PTPN2: variants seen among roughly 807,000 people sequenced by gnomAD.
The protein encoded by PTPN2 is tyrosine-protein phosphatase non-receptor type 2.
In PTPN2, 19 loss-of-function variants were observed where a neutral mutation model predicts 57.3. The observed-to-expected ratio is 0.33, with a 90% CI of 0.23 to 0.49. The LOEUF (loss-of-function observed/expected upper bound fraction) is 0.49, where lower values mean the gene tolerates loss of function less well. Among genes scored for constraint, PTPN2 ranks in the 20% least tolerant of loss-of-function variants. The pLI is 0.99. For missense variants in PTPN2, 358 were observed against 501.1 expected (o/e 0.71, Z 2.73); for synonymous variants, 153 against 164.9 (o/e 0.93, Z 0.55).
intron 5 of PTPN2, among the ~76,000 whole-genome samples, chr18:12,822,464 A>G (rs2042303794): frequency 6.6e-6 from 1 of 152,186 alleles, no homozygotes; most frequent in African/African-American, 2.4e-5. Context: ...CACAGGCCAC[A>G]CTGAAAGCCG....
chr18:12,821,956 C>CA (rs1438882950), intron 5 of PTPN2, among the ~76,000 whole-genome samples: 2 of 152,094 alleles, frequency 1.3e-5, no homozygotes, highest in African/African-American at 2.4e-5. Flanking sequence ...ACCAAGGCAG[C>CA]AGATAACTTC....
intron 5 of PTPN2, among the ~76,000 whole-genome samples, chr18:12,821,786 T>C (rs1429373265): frequency 8.5e-5 from 13 of 152,176 alleles, no homozygotes; most frequent in Non-Finnish European, 1.9e-4. Flanking sequence ...CAGGCTGAGC[T>C]GGGTCATGGT....
intron 8 of PTPN2, among the ~76,000 whole-genome samples, chr18:12,800,589 A>G (rs2145243757): frequency 6.6e-6 from 1 of 152,244 alleles, no homozygotes; most frequent in Non-Finnish European, 1.5e-5. Context: ...TAATACATGT[A>G]TTATATATTG....
chr18:12,825,782 C>G (rs746296910), intron 5 of PTPN2, 28 bp downstream of exon 5: 4 of 1,585,150 alleles, frequency 2.5e-6, no homozygotes, highest in Non-Finnish European at 3.4e-6. Flanking sequence ...CATATAAAGT[C>G]CACAATTTCG....
intron 5 of PTPN2, among the ~76,000 whole-genome samples, chr18:12,822,703 G>T (rs10502416): frequency 0.25 from 38,509 of 152,032 alleles, 5,374 homozygotes; most frequent in South Asian, 0.53. Flanking sequence ...AGATCTGCGT[G>T]TTGAGATTGG....
At chr18:12,843,955 C>T (rs2043132839) in intron 2 of PTPN2, 1 of 152,220 alleles carries the variant, frequency 6.6e-6, no homozygotes, top group African/African-American at 2.4e-5. Flanking sequence ...GCACACTCTT[C>T]CCCATTCCAC....
chr18:12,842,184 G>A (rs924858143), intron 2 of PTPN2, among the ~76,000 whole-genome samples: 1 of 152,140 alleles, frequency 6.6e-6, no homozygotes, highest in African/African-American at 2.4e-5. Flanking sequence ...GGGATTACAG[G>A]AGTGAGCCAC....
At chr18:12,858,351 A>G (rs913811136) in intron 2 of PTPN2, among the ~76,000 whole-genome samples, 1 of 152,232 alleles carries the variant, frequency 6.6e-6, no homozygotes, top group African/African-American at 2.4e-5. Flanking sequence ...GGCCCAATTT[A>G]ATATCTGAAT....
In PTPN2 at chr18:12,860,244, G is replaced by A. The variant is rs184437490; in HGVS notation, c.70-990C>T. On this transcript the variant is annotated intron_variant, in intron 1 of 8. Transcript: ENST00000309660. Reference sequence around the variant, plus strand: ...GTGGAGGTTACAGTGAGCCAAGATCGTGCCATTGCACTCCAGTCTGGGCGA... The same window carrying A: ...GTGGAGGTTACAGTGAGCCAAGATCATGCCATTGCACTCCAGTCTGGGCGA... Among the ~76,000 whole-genome samples, 203 of 151,582 alleles carry A rather than the reference G, an allele frequency of 1.3e-3. No individual in the cohort carries two copies. In the Middle Eastern group the frequency reaches 0.017, roughly 13 times the overall value.
chr18:12,873,422 C>A (rs544952043), intron 1 of PTPN2, among the ~76,000 whole-genome samples: 1 of 152,222 alleles, frequency 6.6e-6, no homozygotes, highest in Non-Finnish European at 1.5e-5. Flanking sequence ...AGAGTGCCTG[C>A]GAGTGCAGGT....
chr18:12,873,449 G>C (rs1288362646), intron 1 of PTPN2, among the ~76,000 whole-genome samples: 1 of 152,212 alleles, frequency 6.6e-6, no homozygotes, highest in Non-Finnish European at 1.5e-5. Context: ...CGCCATGCCT[G>C]ACTGGTTTTC....
chr18:12,799,835 T>C (rs1361611733), intron 8 of PTPN2, among the ~76,000 whole-genome samples: 1 of 152,216 alleles, frequency 6.6e-6, no homozygotes, highest in Non-Finnish European at 1.5e-5. Context: ...TTCACCATGT[T>C]GGCCAGGCTG....
chr18:12,829,608 G>C (rs2042598811), intron 4 of PTPN2, among the ~76,000 whole-genome samples: 1 of 151,580 alleles, frequency 6.6e-6, no homozygotes, highest in Non-Finnish European at 1.5e-5. Flanking sequence ...AACTGCAAAG[G>C]AGTAAAATTA....
chr18:12,873,122 G>C (rs934795563), intron 1 of PTPN2, among the ~76,000 whole-genome samples: 14 of 152,038 alleles, frequency 9.2e-5, no homozygotes, highest in Non-Finnish European at 1.9e-4. Context: ...TTGGGAGGCT[G>C]AGGCAGGAGA....
intron 1 of PTPN2, among the ~76,000 whole-genome samples, chr18:12,882,856 C>G (rs1245525388): frequency 2.0e-5 from 3 of 152,216 alleles, no homozygotes; most frequent in African/African-American, 7.2e-5. Context: ...GAAAGCCCGT[C>G]TTTTACTTTA....
chr18:12,875,919 G>A (rs936564808), intron 1 of PTPN2, among the ~76,000 whole-genome samples: 5 of 152,132 alleles, frequency 3.3e-5, no homozygotes, highest in Non-Finnish European at 7.3e-5. Context: ...AGTAAAAAGG[G>A]CTTTTAAGAT....
chr18:12,862,021 G>T (rs2043824626), intron 1 of PTPN2: 1 of 152,044 alleles, frequency 6.6e-6, no homozygotes, highest in Admixed American at 6.6e-5. Context: ...CTCTTGCATT[G>T]AGTCCATTCT....
chr18:12,818,012 C>T lies in PTPN2; in HGVS notation c.496-647G>A, dbSNP rs184401610. The stretch of plus-strand genomic sequence containing the variant: ...AAAAAATTAGCCAGGCGTGGTGGCG[C>T]GTGCCTGTAATCTCAGCTACTTGGG... On this transcript the variant is annotated intron_variant, in intron 5 of 8. Transcript: ENST00000309660. 8.6e-3 allele frequency among the ~76,000 whole-genome samples: 1,312 copies of T among 152,098 alleles called. 6 individuals are homozygous for T. The highest frequency in any genetic ancestry group is 0.017 in the Middle Eastern group (5 of 294).
chr18:12,875,792 G>A (rs1261965536), intron 1 of PTPN2, among the ~76,000 whole-genome samples: 1 of 152,264 alleles, frequency 6.6e-6, no homozygotes, highest in Non-Finnish European at 1.5e-5. Flanking sequence ...GGAGTAGAGA[G>A]TGGACAGGTA....
Sources: allele counts gnomAD v4.1 joint callset (sites outside exome capture counted in the v4.1 genomes callset), GRCh38; gene constraint gnomAD v4.1.1; transcripts MANE v1.5; gene names NCBI Gene and HGNC (gene_info 2026-07-23, HGNC 2026-07-21).